The following LAMA2 variants were observed in gnomAD, a reference collection of about 807,000 sequenced individuals.
The protein encoded by LAMA2 is laminin subunit alpha-2.
In LAMA2, 269 loss-of-function variants were observed where a neutral mutation model predicts 364.8. The observed-to-expected ratio is 0.74, with a 90% confidence interval of 0.67 to 0.82. The LOEUF (loss-of-function observed/expected upper bound fraction) is 0.82, where lower values mean the gene tolerates loss of function less well. LAMA2 is among the 40% of genes least tolerant of loss of function. The pLI is 0.00. For synonymous variants in LAMA2, 1,379 were observed against 1,370.6 expected (o/e 1.01, Z -0.14); for missense variants, 3,807 against 3,873.2 (o/e 0.98, Z 0.45).
chr6:129,320,436 G>A, intron 27 of LAMA2, 102 bp from the exon 28 acceptor site: 1 of 793,880 alleles, frequency 1.3e-6, no homozygotes, highest in East Asian at 2.4e-5. Flanking sequence ...CATACTTGAG[G>A]TTGACAAAAA....
At chr6:129,460,385 A>T in intron 49 of LAMA2, 61 bp downstream of exon 49, 6 of 1,491,120 alleles carry the variant, frequency 4.0e-6, no homozygotes, top group South Asian at 1.1e-5. Context: ...CTTCGATTTT[A>T]TTGCATAATA....
At chr6:128,929,362 G>A in intron 1 of LAMA2, 1 of 1,049,778 alleles carries the variant, frequency 9.5e-7, no homozygotes, top group Non-Finnish European at 1.5e-6. Context: ...GACCTCGAGA[G>A]AATACAAAGA....
chr6:129,304,780 G>C (rs1215415853), intron 22 of LAMA2, among the ~76,000 whole-genome samples: 1 of 152,126 alleles, frequency 6.6e-6, no homozygotes, highest in Non-Finnish European at 1.5e-5. Flanking sequence ...AATTTTCAAG[G>C]TATCGTTACT....
At position 128,907,492 on chromosome 6, in the gene LAMA2, G is replaced by A. The variant is rs575667845; in HGVS notation, c.112+24135G>A. ...TTTTTGCACATTGATTTTGTATCCT[G>A]AGACTTTGCTGAAGTTGCTTATCAG... On this transcript the variant is annotated intron_variant, in intron 1 of 64. Transcript: ENST00000421865. Among the ~76,000 whole-genome samples the A allele has an allele frequency of 3.0e-3, 450 of 152,254 alleles. 1 individual carries two copies. Among genetic ancestry groups the A allele is most frequent in the African/African-American group, 0.01 (424 of 41,518 alleles).
intron 2 of LAMA2, among the ~76,000 whole-genome samples, chr6:129,059,473 T>C (rs1232911783): frequency 2.6e-5 from 4 of 152,206 alleles, no homozygotes; most frequent in Non-Finnish European, 5.9e-5. Context: ...TTTAACATTA[T>C]ATCTTTACAC....
At chr6:128,981,415 T>C (rs1038288449) in intron 1 of LAMA2, among the ~76,000 whole-genome samples, 29 of 151,918 alleles carry the variant, frequency 1.9e-4, no homozygotes, top group African/African-American at 6.8e-4. Flanking sequence ...CTCTCAAAAC[T>C]CTTTCACACA....
At chr6:129,215,954 A>G (rs547798327) in intron 12 of LAMA2, among the ~76,000 whole-genome samples, 4 of 152,338 alleles carry the variant, frequency 2.6e-5, no homozygotes, top group African/African-American at 9.6e-5. Context: ...AAAAAGTATC[A>G]TTAGAAATAG....
intron 58 of LAMA2, among the ~76,000 whole-genome samples, chr6:129,494,288 T>C (rs370461209): frequency 3.9e-5 from 6 of 152,380 alleles, no homozygotes; most frequent in African/African-American, 1.4e-4. Flanking sequence ...AATGTGCTCC[T>C]TGCACTAGAA....
chr6:129,316,543 G>C (rs1774623843), intron 27 of LAMA2, among the ~76,000 whole-genome samples: 1 of 152,188 alleles, frequency 6.6e-6, no homozygotes, highest in South Asian at 2.1e-4. Flanking sequence ...GAACCAGGCA[G>C]GGCCAAGTTG....
intron 1 of LAMA2, among the ~76,000 whole-genome samples, chr6:128,933,815 A>G (rs1362758040): frequency 6.6e-6 from 1 of 152,134 alleles, no homozygotes; most frequent in Non-Finnish European, 1.5e-5. Flanking sequence ...GAGTTGTATG[A>G]ATTCCTTATA....
Position 129,481,552 on chromosome 6 carries a change from C to G in LAMA2, c.7749+113C>G. The G allele has an allele frequency of 3.3e-6, 3 of 905,450 alleles. No homozygotes were observed. The Admixed American group carries it at 5.5e-5, about 17-fold the overall frequency. 56.1% of individuals were successfully genotyped at this position (905,450 alleles called of 1,614,324 possible). A position where few individuals can be genotyped will look rare whatever the true frequency, so the allele number is the denominator to read the frequency against. ...TTATTTCTGCTCTCATCTTGGCTAG[C>G]AAGGACTGAACATTCCATATTTCCA... On this transcript the variant is annotated intron_variant, in intron 55 of 64. Transcript: ENST00000421865.
intron 16 of LAMA2, 55 bp from the exon 17 acceptor site, chr6:129,270,569 A>C: frequency 1.9e-6 from 3 of 1,602,474 alleles, no homozygotes; most frequent in Non-Finnish European, 2.6e-6. Context: ...ATTTTTGGCA[A>C]CATGTTGATC....
chr6:129,366,413 C>T, intron 33 of LAMA2, 52 bp downstream of exon 33: 1 of 1,600,780 alleles, frequency 6.2e-7, no homozygotes, highest in South Asian at 1.1e-5. Flanking sequence ...ACAGAAGCTT[C>T]ACAAGCGGTA....
Position 129,146,988 on chromosome 6 carries a change from T to G in LAMA2, c.849T>G (p.Val283=). The change falls in exon 6 of 65, where the codon GTT becomes GTG. Residue 283 remains valine, a synonymous_variant. Transcript: ENST00000421865. ...RYYYSVKDIS[V]GGMCICYGHA... is the part of the protein sequence containing the mutation. ...ACTACTCGGTCAAGGATATTTCAGTTGGAGGGATGTGCATCTGCTATGGTC... is the reference window on the plus strand; with the variant it reads ...ACTACTCGGTCAAGGATATTTCAGTGGGAGGGATGTGCATCTGCTATGGTC... 6.2e-7 allele frequency: 1 copy of G among 1,611,754 alleles called. No homozygotes were observed. Among genetic ancestry groups the G allele is most frequent in the Non-Finnish European group, 8.5e-7 (1 of 1,178,022 alleles).
At chr6:129,454,677 A>G (rs1463345783) in intron 47 of LAMA2, among the ~76,000 whole-genome samples, 1 of 152,196 alleles carries the variant, frequency 6.6e-6, no homozygotes, top group Non-Finnish European at 1.5e-5. Flanking sequence ...TAGTCTACAT[A>G]GCCACCATAG....
chr6:129,459,690 G>A (rs1783146635), intron 48 of LAMA2, among the ~76,000 whole-genome samples: 1 of 152,024 alleles, frequency 6.6e-6, no homozygotes, highest in African/African-American at 2.4e-5. Context: ...TCATCAGCAT[G>A]TCCCCTTTCT....
rs562695703 is a variant in LAMA2, at chr6:129,106,499, T to A, written c.639+8084T>A. On this transcript the variant is annotated intron_variant, in intron 4 of 64. Coordinates refer to ENST00000421865, the MANE Select transcript of LAMA2 (RefSeq NM_000426.4). ...AACAGCGGAGTATTACTAATTTGTA[T>A]TGGTTTTCAATAGAAATTTAGGTAA... Among the ~76,000 whole-genome samples, 3 of 152,282 alleles carry A rather than the reference T, an allele frequency of 2.0e-5. No individual in the cohort carries two copies. The East Asian group carries it at 5.8e-4, about 29-fold the overall frequency.
chr6:129,281,896 T>C (rs1788740015), intron 18 of LAMA2, among the ~76,000 whole-genome samples: 1 of 152,144 alleles, frequency 6.6e-6, no homozygotes, highest in East Asian at 1.9e-4. Context: ...TTCATTGTAT[T>C]TATGTAAGCC....
At chr6:129,285,340 T>C (rs901468758) in intron 18 of LAMA2, among the ~76,000 whole-genome samples, 6 of 152,158 alleles carry the variant, frequency 3.9e-5, no homozygotes, top group Admixed American at 3.3e-4. Flanking sequence ...CTATCACGTA[T>C]ATTCACAAAT....
Sources: gnomAD v4.1 joint callset for allele counts (sites outside exome capture counted in the v4.1 genomes callset) on GRCh38, gnomAD v4.1.1 for gene constraint, MANE v1.5 for transcripts, NCBI Gene and HGNC (gene_info 2026-07-23, HGNC 2026-07-21) for gene names.